COL27A1: variants seen among roughly 807,000 people sequenced by gnomAD.
COL27A1 encodes collagen alpha-1(XXVII) chain.
A neutral mutation model predicts 251.3 loss-of-function variants in COL27A1; 106 were observed. The ratio of observed to expected loss-of-function variants is 0.42; its 90% CI spans 0.36 to 0.50. The LOEUF (loss-of-function observed/expected upper bound fraction) is 0.50. COL27A1 is among the 20% of genes least tolerant of loss of function. The probability of loss-of-function intolerance (pLI) is 0.00; values close to 1 mark genes in which losing one functional copy is unlikely to be tolerated. For synonymous variants in COL27A1, 1,000 were observed against 986.3 expected, an observed-to-expected ratio of 1.01 and a Z score of -0.26; for missense variants, 2,325 against 2,522.8, an observed-to-expected ratio of 0.92 and a Z score of 1.68.
At chr9:114,265,499 T>C in intron 32 of COL27A1, 24 bp downstream of exon 32, 2 of 1,611,990 alleles carry the variant, frequency 1.2e-6, no homozygotes, top group Non-Finnish European at 1.7e-6. Context: ...CCTTCCCTCT[T>C]CTGCTTCTTT....
At chr9:114,159,516 G>A (rs1848351390) in intron 1 of COL27A1, among the ~76,000 whole-genome samples, 1 of 152,162 alleles carries the variant, frequency 6.6e-6, no homozygotes, top group Admixed American at 6.5e-5. Flanking sequence ...GAAATAAATG[G>A]GATCGCAGGA....
rs780214288 is a variant in COL27A1, at chr9:114,167,832, G to A, written c.277G>A (p.Ala93Thr). The change falls in exon 3 of 61, where the codon GCC becomes ACC. Residue 93 changes from alanine (A) to threonine (T), a missense_variant. Around this residue, in one of 4 missense-constraint regions of COL27A1, gnomAD observed 1,183 missense variants for 1,144.1 expected, o/e 1.03. Transcript: ENST00000356083. ...TCCCACGGGCACCGTCATTCCTGCC[G>A]CCTTGGGCACAGAGCTGGCACTGGT... ...QAPTGTVIPA[A>T]LGTELALVLS... 1.4e-4 allele frequency: 223 copies of A among 1,613,282 alleles called. No individual in the cohort carries two copies. The highest frequency in any genetic ancestry group is 2.7e-4 in the Admixed American group (16 of 60,006).
At chr9:114,235,421 C>T (rs540235852) in intron 16 of COL27A1, among the ~76,000 whole-genome samples, 178 bp from the exon 17 acceptor site, 147 of 152,326 alleles carry the variant, frequency 9.7e-4, no homozygotes, top group African/African-American at 3.3e-3. Context: ...GCTCACCCCC[C>T]GCCACCGCCT....
chr9:114,155,725 G>C lies in COL27A1; in HGVS notation c.-226G>C, dbSNP rs527743089. 1 of 152,370 alleles carries C rather than the reference G, an allele frequency of 6.6e-6. No individual in the cohort carries two copies. The highest frequency in any genetic ancestry group is 2.1e-4 in the South Asian group (1 of 4,864). The allele number at this position is 152,370 out of a possible 1,614,324, so 9.4% of individuals were successfully genotyped here. On this transcript the variant is annotated 5_prime_UTR_variant, in exon 1 of 61. Coordinates refer to ENST00000356083, the MANE Select transcript of COL27A1 (RefSeq NM_032888.4). This position sits in a 1 kb window ranked among gnomAD's most constrained non-coding sequence, Gnocchi z 5.5. Reference sequence around the variant, plus strand: ...AGCAGAAAAGGACCGAGGCAGGGGCGAGCGCGGCGCCCGGACTCCTGGGAC... The same window carrying C: ...AGCAGAAAAGGACCGAGGCAGGGGCCAGCGCGGCGCCCGGACTCCTGGGAC...
At chr9:114,210,004 G>A (rs1286955132) in intron 11 of COL27A1, among the ~76,000 whole-genome samples, 1 of 152,214 alleles carries the variant, frequency 6.6e-6, no homozygotes, top group East Asian at 1.9e-4. Context: ...GGGAGTTGAG[G>A]CTGGAGAGGA....
intron 5 of COL27A1, among the ~76,000 whole-genome samples, chr9:114,189,520 G>GA (rs917386875): frequency 1.1e-4 from 16 of 151,540 alleles, no homozygotes; most frequent in African/African-American, 3.9e-4. Flanking sequence ...TAATTTCCTT[G>GA]AAAAAACGCT....
At chr9:114,285,602 G>A (rs1366239009) in intron 41 of COL27A1, among the ~76,000 whole-genome samples, 1 of 152,144 alleles carries the variant, frequency 6.6e-6, no homozygotes, top group Non-Finnish European at 1.5e-5. Context: ...TGCTGTTGGT[G>A]ACTCACGCTG....
chr9:114,223,808 G>A (rs527940018), intron 14 of COL27A1, among the ~76,000 whole-genome samples: 1 of 152,336 alleles, frequency 6.6e-6, no homozygotes, highest in Admixed American at 6.5e-5. Context: ...TTGGAGGATT[G>A]TTGTGAGTGA....
rs761618564 is a variant in COL27A1 at position 114,168,814 on chromosome 9, G to A, written c.1259G>A (p.Arg420His). 1.1e-5 allele frequency: 18 copies of A among 1,613,828 alleles called. No homozygotes were observed. Among genetic ancestry groups the A allele is most frequent in the East Asian group, 4.5e-5 (2 of 44,852 alleles). ...TSRPVPARVS[R>H]PAEKPIQRNP... is the part of the protein sequence containing the mutation. The stretch of plus-strand genomic sequence containing the variant: ...CGTCCAGTTCCTGCCAGAGTCTCCC[G>A]TCCCGCAGAGAAGCCCATCCAGAGG... The change falls in exon 3 of 61, where the codon CGT becomes CAT. Residue 420 changes from arginine to histidine, a missense_variant. Transcript: ENST00000356083.
intron 54 of COL27A1, 86 bp from the exon 55 acceptor site, chr9:114,301,596 C>G: frequency 6.5e-7 from 1 of 1,527,870 alleles, no homozygotes; most frequent in Non-Finnish European, 8.9e-7. Flanking sequence ...GTCCCTGGGT[C>G]CCAGGTCTGC....
intron 35 of COL27A1, 21 bp downstream of exon 35, chr9:114,269,315 C>T: frequency 6.3e-7 from 1 of 1,599,430 alleles, no homozygotes; most frequent in South Asian, 1.1e-5. Flanking sequence ...GCAATTTATT[C>T]TTCCTGAAAG....
Position 114,155,980 on chromosome 9 carries a change from A to C in COL27A1, c.30A>C (p.Arg10=), listed in dbSNP as rs1437966004. 5 of 1,292,286 alleles carry C rather than the reference A, an allele frequency of 3.9e-6. No individual in the cohort carries two copies. Among genetic ancestry groups the C allele is most frequent in the Non-Finnish European group, 4.9e-6 (5 of 1,017,562 alleles). 80.1% of individuals were successfully genotyped at this position (1,292,286 alleles called of 1,614,324 possible). The change falls in exon 1 of 61, where the codon CGA becomes CGC. Residue 10 remains arginine (R), a synonymous_variant. Coordinates refer to ENST00000356083, the MANE Select transcript of COL27A1 (RefSeq NM_032888.4). This position sits in a 1 kb window ranked among gnomAD's most constrained non-coding sequence, Gnocchi z 5.5. MGAGSARGA[R]GTAAAAAARG... ...GAGCGGGATCGGCGCGGGGGGCCCG[A>C]GGCACAGCGGCGGCGGCGGCGGCGC...
chr9:114,289,379 A>G (rs72764529), intron 45 of COL27A1, 84 bp downstream of exon 45: 119,215 of 1,320,730 alleles, frequency 0.09, 7,292 homozygotes, highest in Admixed American at 0.23. Flanking sequence ...AACCAAACGC[A>G]GGCTGCAGAG....
intron 13 of COL27A1, among the ~76,000 whole-genome samples, chr9:114,220,257 A>G (rs1172343011): frequency 6.6e-6 from 1 of 152,230 alleles, no homozygotes; most frequent in Non-Finnish European, 1.5e-5. Context: ...GCTGAGTTCC[A>G]AAGGAATCTC....
At chr9:114,174,890 T>G (rs1308313323) in intron 3 of COL27A1, among the ~76,000 whole-genome samples, 1 of 152,168 alleles carries the variant, frequency 6.6e-6, no homozygotes, top group Non-Finnish European at 1.5e-5. Context: ...GAGAGCCCTT[T>G]GAGGCCCCCT....
chr9:114,195,860 A>G (rs1050312879), intron 6 of COL27A1, 99 bp from the exon 7 acceptor site: 25 of 968,736 alleles, frequency 2.6e-5, no homozygotes, highest in Non-Finnish European at 3.7e-5. Context: ...TCATTTGGAA[A>G]CAACCAGCCA....
intron 21 of COL27A1, among the ~76,000 whole-genome samples, chr9:114,240,704 G>T (rs538460833): frequency 6.6e-6 from 1 of 152,338 alleles, no homozygotes; most frequent in South Asian, 2.1e-4. Flanking sequence ...CTGGCAGGGT[G>T]GCTTCCCCGC....
At chr9:114,293,145 C>A (rs971690335) in intron 49 of COL27A1, among the ~76,000 whole-genome samples, 1 of 152,160 alleles carries the variant, frequency 6.6e-6, no homozygotes, top group African/African-American at 2.4e-5. Context: ...GATACACATT[C>A]GTTATAAGTT....
At chr9:114,266,471 T>G in intron 32 of COL27A1, 94 bp from the exon 33 acceptor site, 1 of 1,054,978 alleles carries the variant, frequency 9.5e-7, no homozygotes, top group Non-Finnish European at 1.4e-6. Flanking sequence ...GAGTCCCCAG[T>G]TCTGGGGGTC....
Sources: gnomAD v4.1 joint callset for allele counts (sites outside exome capture counted in the v4.1 genomes callset) on GRCh38, gnomAD v4.1.1 for gene constraint, gnomAD v4.1.1 regional missense constraint, Gnocchi (gnomAD v3.1) non-coding constraint, MANE v1.5 for transcripts, NCBI Gene and HGNC (gene_info 2026-07-23, HGNC 2026-07-21) for gene names.